USP30: variants seen among roughly 807,000 people sequenced by gnomAD.
The protein encoded by USP30 is ubiquitin carboxyl-terminal hydrolase 30.
Under a neutral mutation model 68.2 loss-of-function variants are expected in USP30, and 41 were observed. The observed-to-expected ratio is 0.60, with a 90% CI of 0.47 to 0.78. The LOEUF (loss-of-function observed/expected upper bound fraction) is 0.78, where lower values mean the gene tolerates loss of function less well. USP30 is among the 30% of genes least tolerant of loss of function. USP30 has a pLI of 0.00. For synonymous variants in USP30, 229 were observed against 253.7 expected (o/e 0.90, Z 0.93); for missense variants, 522 against 649.4 (o/e 0.80, Z 2.13).
upstream of USP30, among the ~76,000 whole-genome samples, chr12:109,051,073 T>C (rs1364917411): frequency 6.6e-6 from 1 of 152,172 alleles, no homozygotes; most frequent in Non-Finnish European, 1.5e-5. Context: ...TGTTTTTCGG[T>C]AGCCATGGGT....
intron 3 of USP30, among the ~76,000 whole-genome samples, chr12:109,062,521 G>A (rs183635081): frequency 1.2e-3 from 178 of 151,158 alleles, no homozygotes; most frequent in African/African-American, 4.1e-3. Flanking sequence ...GTAGAGACGG[G>A]GTTTCACCGT....
rs1435877208 is a variant in USP30 at position 109,083,080 on chromosome 12, G to GCAGGAAAATC, written c.1168+19_1168+20insAGGAAAATCC. ...CACACCAGGTGTGTGCGCGCGAGGA[G>GCAGGAAAATC]CCGATGCAGCAGGAATTTTCAGCAC... On this transcript the variant is annotated intron_variant, in intron 11 of 12. Transcript: ENST00000257548. The GCAGGAAAATC allele has an allele frequency of 6.4e-7, 1 of 1,568,750 alleles. No homozygotes were observed. Among genetic ancestry groups the GCAGGAAAATC allele is most frequent in the Non-Finnish European group, 8.6e-7 (1 of 1,158,808 alleles).
At chr12:109,080,125 G>A (rs1464403176) in intron 7 of USP30, among the ~76,000 whole-genome samples, 2 of 152,168 alleles carry the variant, frequency 1.3e-5, no homozygotes, top group Non-Finnish European at 2.9e-5. Flanking sequence ...CTGTGCACGT[G>A]TGGTTCAGGG....
At chr12:109,036,299 C>A (rs2040519240) in intron 3 of USP30, among the ~76,000 whole-genome samples, 2 of 120,804 alleles carry the variant, frequency 1.7e-5, no homozygotes, top group Admixed American at 7.6e-5. Context: ...TTTAGTATTT[C>A]TTTCTTTCTT....
chr12:109,071,075 A>G (rs555154192), intron 4 of USP30, among the ~76,000 whole-genome samples: 14 of 152,316 alleles, frequency 9.2e-5, no homozygotes, highest in South Asian at 2.1e-4. Flanking sequence ...TCCCAGAGTA[A>G]TCAGATTCCT....
At chr12:109,067,107 A>ATTTTTTTTT (rs754748366) in intron 3 of USP30, among the ~76,000 whole-genome samples, 3 of 104,584 alleles carry the variant, frequency 2.9e-5, no homozygotes, top group African/African-American at 1.2e-4. Flanking sequence ...ACAGTCCTTA[A>ATTTTTTTTT]TTTTTTTTTT....
chr12:109,065,678 A>G (rs1367394188), intron 3 of USP30, among the ~76,000 whole-genome samples: 1 of 152,220 alleles, frequency 6.6e-6, no homozygotes, highest in African/African-American at 2.4e-5. Flanking sequence ...TAAAGAGGTA[A>G]TAATCACAAG....
At chr12:109,046,334 C>T (rs1480539549) in intron 3 of USP30, among the ~76,000 whole-genome samples, 4 of 151,532 alleles carry the variant, frequency 2.6e-5, no homozygotes, top group East Asian at 1.9e-4. Flanking sequence ...AGGATGGTCT[C>T]GATCTCCTGA....
intron 3 of USP30, among the ~76,000 whole-genome samples, chr12:109,037,286 C>T (rs952131470): frequency 9.9e-5 from 15 of 152,134 alleles, no homozygotes; most frequent in African/African-American, 3.6e-4. Flanking sequence ...ATCTCTATCT[C>T]TTTATTAATA....
At chr12:109,079,125 T>A (rs1160499629) in intron 7 of USP30, among the ~76,000 whole-genome samples, 1 of 152,048 alleles carries the variant, frequency 6.6e-6, no homozygotes, top group Non-Finnish European at 1.5e-5. Flanking sequence ...GTACTTTTTT[T>A]AACCAAGTTT....
intron 4 of USP30, among the ~76,000 whole-genome samples, chr12:109,068,390 G>A (rs903174724): frequency 1.3e-5 from 2 of 152,202 alleles, no homozygotes; most frequent in East Asian, 1.9e-4. Context: ...GAGGGGCATC[G>A]AGAGACTTTT....
At chr12:109,052,476 G>A (rs2040690154), upstream of USP30, 1 of 444,548 alleles carries the variant, frequency 2.2e-6, no homozygotes. Context: ...GGAAAAGAAA[G>A]AAAGGACGTG....
chr12:109,059,434 G>A (rs2040987724), intron 3 of USP30, among the ~76,000 whole-genome samples: 1 of 152,128 alleles, frequency 6.6e-6, no homozygotes, highest in Non-Finnish European at 1.5e-5. Context: ...GGCCTCAAGT[G>A]GTATGCCTGC....
At chr12:109,078,158 G>T (rs1170321866) in intron 7 of USP30, among the ~76,000 whole-genome samples, 2 of 152,070 alleles carry the variant, frequency 1.3e-5, no homozygotes, top group African/African-American at 4.8e-5. Context: ...AGGTGCTGTG[G>T]CTCACGTCTG....
chr12:109,080,322 G>A (rs1047386755), intron 7 of USP30, among the ~76,000 whole-genome samples: 3 of 152,202 alleles, frequency 2.0e-5, no homozygotes, highest in Non-Finnish European at 2.9e-5. Context: ...AGGAAAAAAA[G>A]CCACAAACAC....
At chr12:109,055,400 ATTTTTTTTTT>A (rs869090869) in intron 1 of USP30, among the ~76,000 whole-genome samples, 1 of 24,468 alleles carries the variant, frequency 4.1e-5, no homozygotes, top group African/African-American at 1.1e-4. Flanking sequence ...ATATATATAT[ATTTTTTTTTT>A]TTTTTTTTTT....
chr12:109,083,736 T>A (rs955891120), intron 11 of USP30, among the ~76,000 whole-genome samples: 1 of 152,104 alleles, frequency 6.6e-6, no homozygotes, highest in African/African-American at 2.4e-5. Context: ...CTTGAAGGGC[T>A]CACAGCCTGA....
In USP30 at chr12:109,055,379, C is replaced by CAT. The variant is rs71443831; in HGVS notation, c.84-1282_84-1281dup. On this transcript the variant is annotated intron_variant, in intron 1 of 12. Transcript: ENST00000257548. The stretch of plus-strand genomic sequence containing the variant: ...ATATATACACACACACATATATATA[C>CAT]ATATATATATATATATATATATTTT... Among the ~76,000 whole-genome samples the CAT allele has an allele frequency of 4.1e-3, 242 of 58,908 alleles. 11 individuals are homozygous for CAT. The highest frequency in any genetic ancestry group is 7.7e-3 in the African/African-American group (111 of 14,456). The allele number at this position is 58,908 out of a possible 152,430, so 38.6% of individuals were successfully genotyped here. A position where few individuals can be genotyped will look rare whatever the true frequency, so the allele number is the denominator to read the frequency against.
intron 3 of USP30, among the ~76,000 whole-genome samples, chr12:109,029,905 G>A (rs143757548): frequency 1.3e-5 from 2 of 152,194 alleles, no homozygotes; most frequent in East Asian, 3.9e-4. Context: ...ATCTGTTAAG[G>A]CCTCTGAGAA....
Sources: allele counts gnomAD v4.1 joint callset (sites outside exome capture counted in the v4.1 genomes callset), GRCh38; gene constraint gnomAD v4.1.1; transcripts MANE v1.5; gene names NCBI Gene and HGNC (gene_info 2026-07-23, HGNC 2026-07-21).